The following MAP3K5 variants were observed in gnomAD, a reference collection of about 807,000 sequenced individuals.
MAP3K5 encodes the protein mitogen-activated protein kinase kinase kinase 5.
A neutral mutation model predicts 158.7 loss-of-function variants in MAP3K5; 56 were observed. The ratio of observed to expected loss-of-function variants is 0.35; its 90% CI spans 0.28 to 0.44. The LOEUF (loss-of-function observed/expected upper bound fraction) is 0.44. MAP3K5 is among the 20% of genes least tolerant of loss of function. The pLI is 1.00. For missense variants in MAP3K5, 1,294 were observed against 1,674.8 expected (o/e 0.77, Z 3.97); for synonymous variants, 579 against 601.7 (o/e 0.96, Z 0.55).
intron 6 of MAP3K5, among the ~76,000 whole-genome samples, 159 bp downstream of exon 6, chr6:136,695,792 T>C (rs538780012): frequency 1.3e-5 from 2 of 152,368 alleles, no homozygotes; most frequent in South Asian, 4.1e-4. Flanking sequence ...AAAATGAGAA[T>C]GCATGCTTCC....
intron 15 of MAP3K5, among the ~76,000 whole-genome samples, chr6:136,619,799 T>C (rs1776722853): frequency 6.6e-6 from 1 of 152,124 alleles, no homozygotes; most frequent in Non-Finnish European, 1.5e-5. Flanking sequence ...AGATTCAGAA[T>C]ATCTTGCAGA....
At chr6:136,759,810 G>T (rs1237566426) in intron 1 of MAP3K5, among the ~76,000 whole-genome samples, 1 of 144,246 alleles carries the variant, frequency 6.9e-6, no homozygotes, top group Non-Finnish European at 1.5e-5. Context: ...TATTTCACCT[G>T]GGTGCAGGTG....
intron 6 of MAP3K5, among the ~76,000 whole-genome samples, chr6:136,694,869 C>G (rs915579698): frequency 1.6e-4 from 25 of 152,124 alleles, no homozygotes; most frequent in Admixed American, 5.2e-4. Context: ...TTCACAAAAC[C>G]AGATAAAAAT....
chr6:136,651,735 G>A (rs1778526762), intron 10 of MAP3K5, among the ~76,000 whole-genome samples: 1 of 152,084 alleles, frequency 6.6e-6, no homozygotes, highest in Non-Finnish European at 1.5e-5. Context: ...AATAAAATTT[G>A]TTCCTATTTT....
chr6:136,745,451 G>A (rs141358963), intron 1 of MAP3K5, among the ~76,000 whole-genome samples: 29 of 152,192 alleles, frequency 1.9e-4, no homozygotes, highest in Middle Eastern at 3.4e-3. Flanking sequence ...AGGAAAGGCC[G>A]GCCAGCTCCC....
At chr6:136,593,714 CAA>C (rs760563651) in intron 21 of MAP3K5, 14,447 of 229,686 alleles carry the variant, frequency 0.063, no homozygotes, top group South Asian at 0.082. Context: ...GACAGATATG[CAA>C]AAAAAAAAAA....
chr6:136,746,131 T>C (rs1456480275), intron 1 of MAP3K5, among the ~76,000 whole-genome samples: 1 of 152,174 alleles, frequency 6.6e-6, no homozygotes, highest in Non-Finnish European at 1.5e-5. Flanking sequence ...TGATTTAATA[T>C]CTTAACTCTT....
In MAP3K5 at chr6:136,792,141, T is replaced by C; in HGVS notation, c.17A>G (p.Asp6Gly). 6.4e-7 allele frequency: 1 copy of C among 1,570,824 alleles called. No homozygotes were observed. The highest frequency in any genetic ancestry group is 8.6e-7 in the Non-Finnish European group (1 of 1,160,868). The change falls in exon 1 of 30, where the codon GAC (aspartate) becomes GGC (glycine). Residue 6 changes from aspartate (D) to glycine (G), a missense_variant. Physicochemically the swap from Asp to Gly is moderately conservative, Grantham distance 94. Coordinates refer to ENST00000359015, the MANE Select transcript of MAP3K5 (RefSeq NM_005923.4). This position sits in a 1 kb window ranked among gnomAD's most constrained non-coding sequence, Gnocchi z 5.7. ...TGGCACAGAGAAAGTGATGCCCTCG[T>C]CCGCCTCCGTGCTCATCTCTCCGGG... Reference protein sequence around the residue: MSTEADEGITFSVPPF... With the variant: MSTEAGEGITFSVPPF...
At chr6:136,651,375 G>C (rs954899022) in intron 10 of MAP3K5, among the ~76,000 whole-genome samples, 2 of 152,214 alleles carry the variant, frequency 1.3e-5, no homozygotes, top group Non-Finnish European at 2.9e-5. Flanking sequence ...GCTATCCTCA[G>C]GGAATCTACT....
At chr6:136,596,545 GGACGGGTTTAGGACAAAA>G (rs1775639543) in intron 21 of MAP3K5, among the ~76,000 whole-genome samples, 1 of 152,192 alleles carries the variant, frequency 6.6e-6, no homozygotes, top group African/African-American at 2.4e-5. Context: ...ATCAGGGGAA[GGACGGGTTTAGGACAAAA>G]GACATTAGAG....
intron 7 of MAP3K5, among the ~76,000 whole-genome samples, chr6:136,692,955 C>CAA (rs796525571): frequency 1.2e-4 from 17 of 144,742 alleles, no homozygotes; most frequent in African/African-American, 4.3e-4. Flanking sequence ...GACCTTGTCT[C>CAA]AAAAAAAAAA....
At chr6:136,656,246 CACAGT>C (rs1262950326) in intron 10 of MAP3K5, 56 bp downstream of exon 10, 1 of 1,488,768 alleles carries the variant, frequency 6.7e-7, no homozygotes, top group Non-Finnish European at 9.4e-7. Flanking sequence ...CTGATACAAT[CACAGT>C]ACAAGATGTT....
intron 1 of MAP3K5, among the ~76,000 whole-genome samples, chr6:136,772,535 A>G (rs1414520079): frequency 3.3e-5 from 5 of 152,120 alleles, no homozygotes; most frequent in African/African-American, 1.2e-4. Flanking sequence ...GAATGAATGC[A>G]CATACAGTAG....
intron 26 of MAP3K5, among the ~76,000 whole-genome samples, chr6:136,565,320 A>G (rs1583189913): frequency 6.6e-6 from 1 of 152,272 alleles, no homozygotes; most frequent in African/African-American, 2.4e-5. Context: ...AGGATCTGCC[A>G]TGAGGTCAAT....
At chr6:136,740,298 C>G (rs993910432) in intron 1 of MAP3K5, among the ~76,000 whole-genome samples, 2 of 152,154 alleles carry the variant, frequency 1.3e-5, no homozygotes, top group African/African-American at 4.8e-5. Flanking sequence ...TTTTTACCTT[C>G]CCCCTCTTTC....
chr6:136,769,717 T>G (rs539583656), intron 1 of MAP3K5, among the ~76,000 whole-genome samples: 1 of 134,338 alleles, frequency 7.4e-6, no homozygotes, highest in Non-Finnish European at 1.6e-5. Context: ...CCAACCAATG[T>G]GCACTGAAGG....
chr6:136,656,332 G>T lies in MAP3K5; in HGVS notation c.1655C>A (p.Thr552Lys). 3 of 1,613,980 alleles carry T rather than the reference G, an allele frequency of 1.9e-6. No individual in the cohort carries two copies. Among genetic ancestry groups the T allele is most frequent in the Non-Finnish European group, 2.5e-6 (3 of 1,179,914 alleles). Reference protein sequence around the residue: ...WMDFLVEATKTDVTVVRFPVL... With the variant: ...WMDFLVEATKKDVTVVRFPVL... The stretch of plus-strand genomic sequence containing the variant: ...TGGAAACCTAACCACAGTAACATCT[G>T]TCTTTGTGGCCTCGACCAGGAAATC... The change falls in exon 10 of 30, where the codon ACA becomes AAA. Residue 552 changes from threonine to lysine, a missense_variant. Thr to Lys is a moderately conservative substitution (Grantham distance 78, BLOSUM62 -1). This residue lies in a region of MAP3K5 where 690 missense variants were observed against 870.5 expected (regional missense o/e 0.79). Coordinates refer to ENST00000359015, the MANE Select transcript of MAP3K5 (RefSeq NM_005923.4).
At chr6:136,667,542 G>A (rs541304061) in intron 8 of MAP3K5, among the ~76,000 whole-genome samples, 187 of 152,038 alleles carry the variant, frequency 1.2e-3, no homozygotes, top group Non-Finnish European at 2.0e-3. Flanking sequence ...CCGTGATCGT[G>A]CCAGTGCACT....
chr6:136,776,452 C>T (rs1784407070), intron 1 of MAP3K5, among the ~76,000 whole-genome samples: 1 of 152,072 alleles, frequency 6.6e-6, no homozygotes, highest in African/African-American at 2.4e-5. Flanking sequence ...ACCACGTTGC[C>T]CATTCTAGTC....
Sources: allele counts gnomAD v4.1 joint callset (sites outside exome capture counted in the v4.1 genomes callset), GRCh38; gene constraint gnomAD v4.1.1; regional missense constraint gnomAD v4.1.1; non-coding constraint Gnocchi (gnomAD v3.1); transcripts MANE v1.5; gene names NCBI Gene and HGNC (gene_info 2026-07-23, HGNC 2026-07-21).